Variants in KIFAP3 observed in about 807,000 individuals in gnomAD.
The protein encoded by KIFAP3 is kinesin associated protein 3.
Under a neutral mutation model 106.5 loss-of-function variants are expected in KIFAP3, and 68 were observed. That is an observed-to-expected ratio of 0.64 (90% confidence interval 0.53 to 0.78). KIFAP3 has a LOEUF of 0.78. Ranked by LOEUF, KIFAP3 falls within the 30% of genes least tolerant of loss-of-function variation. KIFAP3 has a pLI of 0.00. For missense variants in KIFAP3, 780 were observed against 941.8 expected (o/e 0.83, Z 2.25); for synonymous variants, 320 against 311.5 (o/e 1.03, Z -0.29).
chr1:169,949,665 A>AT (rs1333323167), intron 19 of KIFAP3, among the ~76,000 whole-genome samples: 1 of 152,094 alleles, frequency 6.6e-6, no homozygotes, highest in Non-Finnish European at 1.5e-5. Flanking sequence ...TGCTCCTATT[A>AT]TTTTTAATTA....
At chr1:170,045,344 T>G (rs1670187145) in intron 3 of KIFAP3, among the ~76,000 whole-genome samples, 1 of 152,174 alleles carries the variant, frequency 6.6e-6, no homozygotes, top group Non-Finnish European at 1.5e-5. Context: ...ATAACCCAAT[T>G]CATATAGGTA....
At chr1:169,944,260 G>A (rs1019451943) in intron 19 of KIFAP3, among the ~76,000 whole-genome samples, 1 of 152,222 alleles carries the variant, frequency 6.6e-6, no homozygotes, top group African/African-American at 2.4e-5. Flanking sequence ...TACTATGGCA[G>A]GGTGGTTAGC....
chr1:169,992,358 T>C, intron 10 of KIFAP3, 103 bp from the exon 11 acceptor site: 1 of 486,452 alleles, frequency 2.1e-6, no homozygotes, highest in Non-Finnish European at 3.4e-6. Context: ...AAAATCTTTA[T>C]ATAAACTTAA....
At chr1:169,999,338 T>A (rs1318180319) in intron 10 of KIFAP3, among the ~76,000 whole-genome samples, 1 of 152,148 alleles carries the variant, frequency 6.6e-6, no homozygotes. Flanking sequence ...TTCCTCTACA[T>A]CCTACAAATG....
chr1:169,942,068 C>G (rs1248085250), intron 19 of KIFAP3, among the ~76,000 whole-genome samples: 2 of 151,962 alleles, frequency 1.3e-5, no homozygotes, highest in Non-Finnish European at 2.9e-5. Context: ...AAGAAGAGCT[C>G]TTATAAAGTG....
intron 11 of KIFAP3, among the ~76,000 whole-genome samples, chr1:169,989,896 ATTT>A (rs1667014833): frequency 6.6e-6 from 1 of 152,044 alleles, no homozygotes; most frequent in African/African-American, 2.4e-5. Context: ...GTTATGGTCT[ATTT>A]TTTACTATAT....
chr1:170,000,888 A>T (rs1667631072), intron 10 of KIFAP3, among the ~76,000 whole-genome samples: 1 of 152,166 alleles, frequency 6.6e-6, no homozygotes, highest in Non-Finnish European at 1.5e-5. Flanking sequence ...GAAAACATTA[A>T]GTACAACAAT....
chr1:170,022,950 T>C (rs17349733), intron 9 of KIFAP3, among the ~76,000 whole-genome samples: 9,574 of 152,178 alleles, frequency 0.063, 384 homozygotes, highest in Non-Finnish European at 0.095. Flanking sequence ...CAAATCACTT[T>C]GAATTTTGAA....
At chr1:170,066,036 AG>A (rs1198379287) in intron 1 of KIFAP3, among the ~76,000 whole-genome samples, 1 of 152,056 alleles carries the variant, frequency 6.6e-6, no homozygotes, top group East Asian at 1.9e-4. Flanking sequence ...CATTTTGTGT[AG>A]ATGTTTTCAC....
chr1:169,962,321 G>A (rs2101866566), intron 17 of KIFAP3, among the ~76,000 whole-genome samples: 1 of 152,230 alleles, frequency 6.6e-6, no homozygotes, highest in South Asian at 2.1e-4. Context: ...GGTTTTGAAG[G>A]ACAAACAGGC....
intron 1 of KIFAP3, among the ~76,000 whole-genome samples, chr1:170,081,165 A>T (rs1672014392): frequency 6.6e-6 from 1 of 152,204 alleles, no homozygotes; most frequent in Non-Finnish European, 1.5e-5. Context: ...AAATAATTGT[A>T]TTCATGATAT....
chr1:170,044,399 T>C (rs1259264414), intron 3 of KIFAP3, among the ~76,000 whole-genome samples: 3 of 152,182 alleles, frequency 2.0e-5, no homozygotes, highest in Non-Finnish European at 4.4e-5. Context: ...AAATTCTCCA[T>C]GTGATAGCCT....
intron 8 of KIFAP3, among the ~76,000 whole-genome samples, chr1:170,029,972 T>C (rs138991695): frequency 1.0e-3 from 152 of 152,032 alleles, no homozygotes; most frequent in African/African-American, 3.6e-3. Flanking sequence ...TATACAAAAA[T>C]TAACTCAAAA....
intron 1 of KIFAP3, among the ~76,000 whole-genome samples, chr1:170,081,895 GCCACAATACCTA>G (rs1441763427): frequency 6.6e-6 from 1 of 152,054 alleles, no homozygotes; most frequent in Admixed American, 6.6e-5. Flanking sequence ...TATTTTACCT[GCCACAATACCTA>G]CCACCATAAT....
At chr1:170,025,579 C>T (rs1179665664) in intron 8 of KIFAP3, among the ~76,000 whole-genome samples, 1 of 151,904 alleles carries the variant, frequency 6.6e-6, no homozygotes, top group African/African-American at 2.4e-5. Flanking sequence ...GTATGCCAGG[C>T]CTGTTGATGT....
chr1:170,047,444 A>G (rs1006458259), intron 2 of KIFAP3, among the ~76,000 whole-genome samples: 1 of 151,852 alleles, frequency 6.6e-6, no homozygotes, highest in African/African-American at 2.4e-5. Flanking sequence ...ATATGGTGAA[A>G]CCCTGTCTCT....
intron 10 of KIFAP3, among the ~76,000 whole-genome samples, chr1:170,012,526 G>C (rs1668292802): frequency 6.6e-6 from 1 of 152,012 alleles, no homozygotes; most frequent in Non-Finnish European, 1.5e-5. Context: ...AAATACTTTA[G>C]AAAACAAAGA....
At chr1:169,935,315 C>A (rs1370162847) in intron 19 of KIFAP3, among the ~76,000 whole-genome samples, 1 of 151,820 alleles carries the variant, frequency 6.6e-6, no homozygotes, top group African/African-American at 2.4e-5. Flanking sequence ...AAGCCTCCTC[C>A]CATCCTTTCA....
intron 7 of KIFAP3, among the ~76,000 whole-genome samples, chr1:170,033,549 T>C (rs1669523618): frequency 6.6e-6 from 1 of 151,748 alleles, no homozygotes; most frequent in Non-Finnish European, 1.5e-5. Context: ...GGGCCTTTGA[T>C]CTAGAAGCAT....
Sources: allele counts gnomAD v4.1 joint callset (sites outside exome capture counted in the v4.1 genomes callset), GRCh38; gene constraint gnomAD v4.1.1; transcripts MANE v1.5; gene names NCBI Gene and HGNC (gene_info 2026-07-23, HGNC 2026-07-21).